The following KCNH8 variants were observed in gnomAD, a reference collection of about 807,000 sequenced individuals.
KCNH8 encodes voltage-gated delayed rectifier potassium channel KCNH8.
A neutral mutation model predicts 103.6 loss-of-function variants in KCNH8; 70 were observed. That is an observed-to-expected ratio of 0.68 (90% CI 0.56 to 0.82). KCNH8 has a LOEUF of 0.82. KCNH8 is among the 40% of genes least tolerant of loss of function. The pLI, the probability that KCNH8 is intolerant of heterozygous loss-of-function variation, is 0.00. For synonymous variants in KCNH8, 498 were observed against 489.4 expected (o/e 1.02, Z -0.23); for missense variants, 1,217 against 1,329.9 (o/e 0.92, Z 1.32).
chr3:19,292,524 G>A (rs185464478), intron 3 of KCNH8, among the ~76,000 whole-genome samples: 10 of 152,248 alleles, frequency 6.6e-5, no homozygotes, highest in Admixed American at 6.5e-4. Flanking sequence ...AATTATATGT[G>A]CATTGCCTTT....
At chr3:19,496,120 A>G (rs1431521896) in intron 11 of KCNH8, among the ~76,000 whole-genome samples, 2 of 152,156 alleles carry the variant, frequency 1.3e-5, no homozygotes, top group Non-Finnish European at 2.9e-5. Flanking sequence ...GGTTTTCTAG[A>G]TATAAAATTA....
intron 7 of KCNH8, among the ~76,000 whole-genome samples, chr3:19,400,839 T>C (rs1004951235): frequency 2.0e-5 from 3 of 151,956 alleles, no homozygotes; most frequent in Admixed American, 1.3e-4. Flanking sequence ...GCTTATGATG[T>C]TGTAGGCTGA....
rs371421473 is a variant in KCNH8 at position 19,320,979 on chromosome 3, T to A, written c.443-21608T>A. Among the ~76,000 whole-genome samples the A allele has an allele frequency of 1.7e-4, 26 of 152,118 alleles. No individual in the cohort carries two copies. The East Asian group carries it at 2.7e-3, about 16-fold the overall frequency. On this transcript the variant is annotated intron_variant, in intron 3 of 15. Coordinates refer to ENST00000328405, the MANE Select transcript of KCNH8 (RefSeq NM_144633.3). The stretch of plus-strand genomic sequence containing the variant: ...CTAGTTTATGCACGTAAAAAAGGTA[T>A]TCATAGTAGCCTTGAATGATCTTTT...
chr3:19,318,024 G>A (rs1276463046), intron 3 of KCNH8, among the ~76,000 whole-genome samples: 1 of 151,970 alleles, frequency 6.6e-6, no homozygotes, highest in African/African-American at 2.4e-5. Flanking sequence ...TAGGAATAGA[G>A]GAAGTCAAAC....
At chr3:19,506,990 T>A (rs529556711) in intron 11 of KCNH8, among the ~76,000 whole-genome samples, 3 of 152,268 alleles carry the variant, frequency 2.0e-5, no homozygotes, top group Admixed American at 2.0e-4. Flanking sequence ...GCAGTACCAC[T>A]CTGCAGTGGC....
intron 5 of KCNH8, among the ~76,000 whole-genome samples, chr3:19,363,746 A>C (rs903512196): frequency 6.3e-4 from 96 of 152,226 alleles, no homozygotes; most frequent in Admixed American, 6.2e-3. Context: ...TTTTTCTATC[A>C]GGGTAAATAC....
At chr3:19,288,693 G>A (rs376208909) in intron 3 of KCNH8, among the ~76,000 whole-genome samples, 1 of 152,116 alleles carries the variant, frequency 6.6e-6, no homozygotes, top group Admixed American at 6.6e-5. Flanking sequence ...ATAAACATAC[G>A]TGTACATGTG....
intron 3 of KCNH8, among the ~76,000 whole-genome samples, chr3:19,305,124 C>T (rs2065114218): frequency 1.3e-5 from 2 of 151,322 alleles, no homozygotes; most frequent in African/African-American, 4.9e-5. Context: ...AAGTGCTATA[C>T]GAAGGATCAA....
intron 2 of KCNH8, among the ~76,000 whole-genome samples, chr3:19,274,901 C>T (rs975945046): frequency 8.1e-6 from 1 of 122,982 alleles, no homozygotes; most frequent in Non-Finnish European, 1.7e-5. Flanking sequence ...CTTCCCTTCC[C>T]TCTCTCTCTC....
chr3:19,242,248 C>A (rs554020608), intron 1 of KCNH8, among the ~76,000 whole-genome samples: 1 of 152,266 alleles, frequency 6.6e-6, no homozygotes, highest in Non-Finnish European at 1.5e-5. Context: ...TAACCAAAAG[C>A]AGGTGTTAAA....
At chr3:19,525,452 C>T (rs907092308) in intron 15 of KCNH8, among the ~76,000 whole-genome samples, 4 of 151,858 alleles carry the variant, frequency 2.6e-5, no homozygotes, top group African/African-American at 9.7e-5. Flanking sequence ...GACAAACTTT[C>T]ATTTGATGTT....
At chr3:19,447,915 A>T (rs1177117217) in intron 8 of KCNH8, among the ~76,000 whole-genome samples, 1 of 152,010 alleles carries the variant, frequency 6.6e-6, no homozygotes, top group Non-Finnish European at 1.5e-5. Flanking sequence ...ATACATACTT[A>T]TACATTCTTG....
At chr3:19,507,080 C>T (rs1003301378) in intron 11 of KCNH8, among the ~76,000 whole-genome samples, 2 of 152,170 alleles carry the variant, frequency 1.3e-5, no homozygotes, top group Admixed American at 6.5e-5. Context: ...AATGTTCAGC[C>T]AGGGGATGAG....
chr3:19,450,947 A>G, intron 9 of KCNH8: 1 of 566,076 alleles, frequency 1.8e-6, no homozygotes, highest in Non-Finnish European at 3.1e-6. Flanking sequence ...GTTTCTCCAG[A>G]CTTCTTATCA....
At chr3:19,491,128 G>A (rs146541821) in intron 11 of KCNH8, among the ~76,000 whole-genome samples, 42 of 152,218 alleles carry the variant, frequency 2.8e-4, no homozygotes, top group African/African-American at 8.4e-4. Context: ...AGATTGCTGG[G>A]AAGTTACTAA....
At chr3:19,303,031 C>T (rs765247311) in intron 3 of KCNH8, among the ~76,000 whole-genome samples, 3 of 152,088 alleles carry the variant, frequency 2.0e-5, no homozygotes, top group African/African-American at 4.8e-5. Context: ...CCATCCATAC[C>T]GAACCTCAAT....
chr3:19,150,227 T>A (rs2063115390), intron 1 of KCNH8, among the ~76,000 whole-genome samples: 1 of 152,198 alleles, frequency 6.6e-6, no homozygotes, highest in South Asian at 2.1e-4. Context: ...TCCCTGCCAT[T>A]GCCACTACCA....
intron 3 of KCNH8, among the ~76,000 whole-genome samples, chr3:19,325,733 G>A (rs1042208733): frequency 6.6e-6 from 1 of 152,162 alleles, no homozygotes; most frequent in Non-Finnish European, 1.5e-5. Flanking sequence ...TACACTTTTG[G>A]TGGGAGTGTA....
chr3:19,467,808 T>C (rs1487348411), intron 11 of KCNH8, among the ~76,000 whole-genome samples: 1 of 152,164 alleles, frequency 6.6e-6, no homozygotes, highest in Non-Finnish European at 1.5e-5. Flanking sequence ...TCCAGACTTT[T>C]TATCATAACT....
Sources: allele counts gnomAD v4.1 joint callset (sites outside exome capture counted in the v4.1 genomes callset), GRCh38; gene constraint gnomAD v4.1.1; transcripts MANE v1.5; gene names NCBI Gene and HGNC (gene_info 2026-07-23, HGNC 2026-07-21).